The following CDH13 variants were observed in gnomAD, a reference collection of about 807,000 sequenced individuals.
CDH13 encodes the protein cadherin 13.
Under a neutral mutation model 63.8 loss-of-function variants are expected in CDH13, and 24 were observed. That is an observed-to-expected ratio of 0.38 (90% CI 0.27 to 0.53). The LOEUF is 0.53. Among genes scored for constraint, CDH13 ranks in the 20% least tolerant of loss-of-function variants. The pLI is 0.85. For synonymous variants in CDH13, 503 were observed against 355.3 expected (o/e 1.42, Z -4.67); for missense variants, 1,049 against 903.1 (o/e 1.16, Z -2.07).
chr16:82,814,585 C>T (rs1011245426), intron 1 of CDH13, among the ~76,000 whole-genome samples: 2 of 152,156 alleles, frequency 1.3e-5, no homozygotes, highest in Non-Finnish European at 2.9e-5. Flanking sequence ...CATGGAAGCT[C>T]TGCATACCTT....
intron 4 of CDH13, among the ~76,000 whole-genome samples, chr16:83,205,796 G>T (rs2039165591): frequency 6.6e-6 from 1 of 151,824 alleles, no homozygotes; most frequent in Non-Finnish European, 1.5e-5. Flanking sequence ...CTAGAGACGG[G>T]GTTTCATTAT....
At chr16:82,848,178 C>A (rs1372692479) in intron 1 of CDH13, among the ~76,000 whole-genome samples, 1 of 152,152 alleles carries the variant, frequency 6.6e-6, no homozygotes, top group Non-Finnish European at 1.5e-5. Context: ...CAAGCTTCAG[C>A]TGGTGAGTGG....
At chr16:83,374,405 A>G (rs1475665333) in intron 6 of CDH13, among the ~76,000 whole-genome samples, 2 of 152,170 alleles carry the variant, frequency 1.3e-5, no homozygotes, top group Non-Finnish European at 2.9e-5. Flanking sequence ...TTATCTTTTC[A>G]TGCATGCCTT....
intron 1 of CDH13, among the ~76,000 whole-genome samples, chr16:82,702,934 G>T (rs902050429): frequency 6.6e-6 from 1 of 152,044 alleles, no homozygotes; most frequent in Non-Finnish European, 1.5e-5. Context: ...TATGAAGTAA[G>T]CTCCCTGTGT....
At position 83,646,557 on chromosome 16, in the gene CDH13, C is replaced by T. The variant is rs151056946; in HGVS notation, c.1102-24233C>T. Among the ~76,000 whole-genome samples, 19 of 152,008 alleles carry T rather than the reference C, an allele frequency of 1.2e-4. No individual in the cohort carries two copies. The East Asian group carries it at 3.3e-3, about 26-fold the overall frequency. ...CTTTACTAAAAATGTAAAACATTAG[C>T]TGGGCGTGGTGGCGCATCCCTGTAG... On this transcript the variant is annotated intron_variant, in intron 8 of 13. Coordinates refer to ENST00000567109, the MANE Select transcript of CDH13 (RefSeq NM_001257.5).
chr16:82,790,654 T>C (rs1001354328), intron 1 of CDH13, among the ~76,000 whole-genome samples: 2 of 152,186 alleles, frequency 1.3e-5, no homozygotes, highest in African/African-American at 4.8e-5. Flanking sequence ...GAAAGAGGTT[T>C]AATTGACTCA....
intron 3 of CDH13, among the ~76,000 whole-genome samples, chr16:83,042,025 T>C (rs1292373476): frequency 6.6e-6 from 1 of 152,236 alleles, no homozygotes; most frequent in South Asian, 2.1e-4. Context: ...TTGTTACTGA[T>C]GTAAACTGCA....
At chr16:82,987,214 G>A (rs1823460495) in intron 2 of CDH13, among the ~76,000 whole-genome samples, 1 of 152,092 alleles carries the variant, frequency 6.6e-6, no homozygotes, top group African/African-American at 2.4e-5. Context: ...TGTCTTCTTT[G>A]GTTCTTCCAG....
intron 7 of CDH13, among the ~76,000 whole-genome samples, chr16:83,526,391 G>T (rs2074959705): frequency 6.6e-6 from 1 of 152,190 alleles, no homozygotes; most frequent in African/African-American, 2.4e-5. Context: ...ATTGGAGGAG[G>T]ATGGTTTCCG....
chr16:83,677,811 C>T (rs1004886676), intron 9 of CDH13, among the ~76,000 whole-genome samples: 4 of 152,020 alleles, frequency 2.6e-5, no homozygotes, highest in African/African-American at 9.7e-5. Flanking sequence ...TTACAGGTTC[C>T]AGGCAGGGAG....
At chr16:82,901,882 G>A (rs1668155322) in intron 2 of CDH13, among the ~76,000 whole-genome samples, 1 of 152,196 alleles carries the variant, frequency 6.6e-6, no homozygotes, top group Admixed American at 6.5e-5. Context: ...TCCATCAGTA[G>A]AGCAGATTCT....
chr16:83,233,926 G>A (rs529117075), intron 5 of CDH13, among the ~76,000 whole-genome samples: 1 of 152,104 alleles, frequency 6.6e-6, no homozygotes, highest in Non-Finnish European at 1.5e-5. Flanking sequence ...AGACAGAGTG[G>A]GTTAGGAACT....
At chr16:83,163,014 G>A (rs909515999) in intron 4 of CDH13, among the ~76,000 whole-genome samples, 1 of 152,062 alleles carries the variant, frequency 6.6e-6, no homozygotes, top group Non-Finnish European at 1.5e-5. Flanking sequence ...CCTGGTGGGA[G>A]GTGATTGAAT....
intron 2 of CDH13, among the ~76,000 whole-genome samples, chr16:82,993,852 C>T (rs929550763): frequency 6.6e-6 from 1 of 152,196 alleles, no homozygotes; most frequent in East Asian, 1.9e-4. Context: ...AATCTCTTAA[C>T]TGCAGTGGTC....
At chr16:82,785,711 A>C (rs2035970096) in intron 1 of CDH13, among the ~76,000 whole-genome samples, 2 of 152,220 alleles carry the variant, frequency 1.3e-5, no homozygotes, top group Non-Finnish European at 2.9e-5. Flanking sequence ...AAAACTTAGG[A>C]ATCAAAGTGT....
intron 5 of CDH13, among the ~76,000 whole-genome samples, chr16:83,273,605 C>G (rs1204823354): frequency 1.3e-5 from 2 of 152,112 alleles, no homozygotes; most frequent in Non-Finnish European, 2.9e-5. Flanking sequence ...TTATCCTAAA[C>G]AATATGAATT....
intron 11 of CDH13, among the ~76,000 whole-genome samples, chr16:83,759,477 G>A (rs1913780013): frequency 1.3e-5 from 2 of 152,014 alleles, no homozygotes; most frequent in Admixed American, 6.5e-5. Flanking sequence ...TGTCCTTTGT[G>A]TAAGCAAAGC....
intron 5 of CDH13, among the ~76,000 whole-genome samples, chr16:83,334,678 A>T (rs994996094): frequency 3.9e-5 from 6 of 152,054 alleles, no homozygotes; most frequent in African/African-American, 1.5e-4. Context: ...ACCTGGCCCA[A>T]TCTCTGTTTT....
chr16:83,072,731 C>T (rs945491836), intron 3 of CDH13, among the ~76,000 whole-genome samples: 2 of 152,082 alleles, frequency 1.3e-5, no homozygotes, highest in Non-Finnish European at 2.9e-5. Flanking sequence ...CATTTTGCTC[C>T]CTTTTGGACC....
Sources: gnomAD v4.1 joint callset for allele counts (sites outside exome capture counted in the v4.1 genomes callset) on GRCh38, gnomAD v4.1.1 for gene constraint, MANE v1.5 for transcripts, NCBI Gene and HGNC (gene_info 2026-07-23, HGNC 2026-07-21) for gene names.